PTPRG: variants seen among roughly 807,000 people sequenced by gnomAD.
PTPRG encodes protein tyrosine phosphatase receptor type G, also known as receptor-type tyrosine-protein phosphatase gamma.
Under a neutral mutation model 165.3 loss-of-function variants are expected in PTPRG, and 102 were observed. The observed-to-expected ratio is 0.62, with a 90% CI of 0.53 to 0.73. The LOEUF (loss-of-function observed/expected upper bound fraction) is 0.73, where lower values mean the gene tolerates loss of function less well. PTPRG is among the 30% of genes least tolerant of loss of function. The pLI is 0.00. For synonymous variants in PTPRG, 675 were observed against 669.5 expected (o/e 1.01, Z -0.13); for missense variants, 1,866 against 1,861.4 (o/e 1.00, Z -0.05).
intron 1 of PTPRG, among the ~76,000 whole-genome samples, chr3:61,656,825 T>A (rs1323416129): frequency 1.3e-5 from 2 of 152,212 alleles, no homozygotes; most frequent in African/African-American, 4.8e-5. Flanking sequence ...ATGTTTTTAC[T>A]TATTCTCCAG....
chr3:61,798,065 A>C (rs1406267453), intron 2 of PTPRG, among the ~76,000 whole-genome samples: 1 of 152,078 alleles, frequency 6.6e-6, no homozygotes, highest in African/African-American at 2.4e-5. Context: ...TGGTTGAATA[A>C]TTTTTTCTTC....
intron 14 of PTPRG, among the ~76,000 whole-genome samples, chr3:62,243,155 C>T (rs949592216): frequency 3.9e-5 from 6 of 152,026 alleles, no homozygotes; most frequent in African/African-American, 1.4e-4. Context: ...ATTGCCTGTC[C>T]TATGATGACC....
intron 1 of PTPRG, among the ~76,000 whole-genome samples, chr3:61,707,913 C>G (rs1171732325): frequency 6.6e-6 from 1 of 152,012 alleles, no homozygotes; most frequent in Non-Finnish European, 1.5e-5. Context: ...CTCAGCCTCC[C>G]GAGTACCTGG....
In PTPRG at chr3:62,121,461, T is replaced by G. The variant is rs145821840; in HGVS notation, c.616-11141T>G. On this transcript the variant is annotated intron_variant, in intron 5 of 29. Coordinates refer to ENST00000474889, the MANE Select transcript of PTPRG (RefSeq NM_002841.4). ...CACTTTCCCATGACTATACAGCTGCTAAGTAGAAGAGCTGGGTTGTGAATC... is the reference window on the plus strand; with the variant it reads ...CACTTTCCCATGACTATACAGCTGCGAAGTAGAAGAGCTGGGTTGTGAATC... Among the ~76,000 whole-genome samples the G allele has an allele frequency of 6.2e-3, 940 of 152,268 alleles. 9 individuals are homozygous for G. The highest frequency in any genetic ancestry group is 6.7e-3 in the Non-Finnish European group (455 of 68,024).
chr3:61,744,100 T>G lies in PTPRG; in HGVS notation c.86-4778T>G, dbSNP rs189148566. Among the ~76,000 whole-genome samples, 325 of 152,340 alleles carry G rather than the reference T, an allele frequency of 2.1e-3. 2 individuals carry two copies. Among genetic ancestry groups the G allele is most frequent in the Non-Finnish European group, 3.7e-3 (251 of 68,036 alleles). On this transcript the variant is annotated intron_variant, in intron 1 of 29. Transcript: ENST00000474889. ...GGTGTGCTGACTCTGTATCTTTACT[T>G]GGGAACCACAGACTGTTTCTATTTG... is the stretch of plus-strand genomic sequence containing the variant.
chr3:62,190,557 TAAG>T lies in PTPRG; in HGVS notation c.1034-907_1034-905del, dbSNP rs373051018. Among the ~76,000 whole-genome samples the T allele has an allele frequency of 6.4e-3, 981 of 152,256 alleles. 7 individuals are homozygous for T. Among genetic ancestry groups the T allele is most frequent in the African/African-American group, 0.022 (915 of 41,564 alleles). Reference sequence around the variant, plus strand: ...CCTTAAACCTCTCAGCCCCAAGGAATAAGAAGATGAATGAGCCTGACTTTTCCT... The same window carrying T: ...CCTTAAACCTCTCAGCCCCAAGGAATAAGATGAATGAGCCTGACTTTTCCT... On this transcript the variant is annotated intron_variant, in intron 8 of 29. Coordinates refer to ENST00000474889, the MANE Select transcript of PTPRG (RefSeq NM_002841.4). This position sits in a 1 kb window ranked among gnomAD's most constrained non-coding sequence, Gnocchi z 5.2.
chr3:61,748,725 AG>A (rs1253752000), intron 1 of PTPRG, among the ~76,000 whole-genome samples, 152 bp from the exon 2 acceptor site: 2 of 72,920 alleles, frequency 2.7e-5, no homozygotes, highest in African/African-American at 4.9e-5. Flanking sequence ...ACTTTCCTAT[AG>A]TTTTTTTTTT....
At chr3:62,035,966 C>G (rs1213000356) in intron 4 of PTPRG, among the ~76,000 whole-genome samples, 1 of 150,396 alleles carries the variant, frequency 6.6e-6, no homozygotes, top group East Asian at 1.9e-4. Flanking sequence ...CGCATTAATT[C>G]AGGGATGTAT....
At chr3:62,039,464 T>A (rs1233423780) in intron 4 of PTPRG, among the ~76,000 whole-genome samples, 1 of 152,156 alleles carries the variant, frequency 6.6e-6, no homozygotes, top group Non-Finnish European at 1.5e-5. Flanking sequence ...GATGAGTAAT[T>A]ACTACACGAA....
chr3:61,663,774 A>G (rs1011644169), intron 1 of PTPRG, among the ~76,000 whole-genome samples: 14 of 152,200 alleles, frequency 9.2e-5, no homozygotes, highest in African/African-American at 3.4e-4. Context: ...CCTCATAAGG[A>G]GCGGGCAACC....
chr3:61,619,461 G>A (rs1701389794), intron 1 of PTPRG, among the ~76,000 whole-genome samples: 1 of 152,174 alleles, frequency 6.6e-6, no homozygotes, highest in East Asian at 1.9e-4. Flanking sequence ...GCATTTGGTA[G>A]GTAGAGGCCA....
At chr3:61,743,150 T>C (rs561699224) in intron 1 of PTPRG, 34 of 1,034,648 alleles carry the variant, frequency 3.3e-5, no homozygotes, top group African/African-American at 2.5e-4. Context: ...GGTCTGGTAA[T>C]ATTTTTATCT....
chr3:62,167,012 G>A (rs1012897252), intron 7 of PTPRG, among the ~76,000 whole-genome samples: 10 of 152,066 alleles, frequency 6.6e-5, no homozygotes, highest in Non-Finnish European at 1.3e-4. Flanking sequence ...ATAGAAATAT[G>A]ATTTGGGCAC....
intron 2 of PTPRG, among the ~76,000 whole-genome samples, chr3:61,801,438 G>A (rs2035238548): frequency 6.6e-6 from 1 of 151,612 alleles, no homozygotes; most frequent in South Asian, 2.1e-4. Context: ...CCCCCAAGTA[G>A]CTGGGACTAC....
intron 5 of PTPRG, among the ~76,000 whole-genome samples, chr3:62,101,073 A>C (rs1322598290): frequency 6.6e-6 from 1 of 152,236 alleles, no homozygotes; most frequent in East Asian, 1.9e-4. Flanking sequence ...ATAATAAATG[A>C]TTGAGGGTTT....
chr3:61,922,044 C>G (rs9845506), intron 2 of PTPRG, among the ~76,000 whole-genome samples: 65 of 152,290 alleles, frequency 4.3e-4, no homozygotes, highest in Non-Finnish European at 6.8e-4. Flanking sequence ...GTAAATTTTA[C>G]TCAGTTAGTC....
At chr3:61,961,266 A>G (rs1452858393) in intron 2 of PTPRG, among the ~76,000 whole-genome samples, 3 of 152,186 alleles carry the variant, frequency 2.0e-5, no homozygotes. Context: ...TTCACTTATT[A>G]TTCATTGGTT....
rs143065764 is a variant in PTPRG at position 61,647,649 on chromosome 3, G to A, written c.85+85277G>A. ...ACTAAAAAATACAAAAAAATTAGCCGGGCGTGGTGGCAGGCACCTGTAGTC... is the reference window on the plus strand; with the variant it reads ...ACTAAAAAATACAAAAAAATTAGCCAGGCGTGGTGGCAGGCACCTGTAGTC... On this transcript the variant is annotated intron_variant, in intron 1 of 29. Coordinates refer to ENST00000474889, the MANE Select transcript of PTPRG (RefSeq NM_002841.4). Among the ~76,000 whole-genome samples, 930 of 152,138 alleles carry A rather than the reference G, an allele frequency of 6.1e-3. 11 individuals carry two copies. Among genetic ancestry groups the A allele is most frequent in the African/African-American group, 0.021 (879 of 41,488 alleles).
At chr3:62,057,084 C>CAAAT (rs1344960220) in intron 4 of PTPRG, among the ~76,000 whole-genome samples, 8 of 152,128 alleles carry the variant, frequency 5.3e-5, no homozygotes, top group African/African-American at 1.9e-4. Flanking sequence ...CAGAGAAAGG[C>CAAAT]AAATGACTCT....
Sources: gnomAD v4.1 joint callset for allele counts (sites outside exome capture counted in the v4.1 genomes callset) on GRCh38, gnomAD v4.1.1 for gene constraint, Gnocchi (gnomAD v3.1) non-coding constraint, MANE v1.5 for transcripts, NCBI Gene and HGNC (gene_info 2026-07-23, HGNC 2026-07-21) for gene names.